Variants in CTIF observed in about 807,000 individuals in gnomAD.
The protein encoded by CTIF is cap binding complex dependent translation initiation factor, also known as CBP80/20-dependent translation initiation factor.
A neutral mutation model predicts 66.0 loss-of-function variants in CTIF; 21 were observed. That is an observed-to-expected ratio of 0.32 (90% CI 0.23 to 0.46). The LOEUF (loss-of-function observed/expected upper bound fraction) is 0.46, where lower values mean the gene tolerates loss of function less well. Ranked by LOEUF, CTIF falls within the 20% of genes least tolerant of loss-of-function variation. CTIF has a pLI of 1.00. For missense variants in CTIF, 739 were observed against 812.7 expected (o/e 0.91, Z 1.10); for synonymous variants, 345 against 326.4 (o/e 1.06, Z -0.62).
intron 5 of CTIF, among the ~76,000 whole-genome samples, chr18:48,666,912 AG>A (rs2091446051): frequency 6.6e-6 from 1 of 152,184 alleles, no homozygotes; most frequent in Non-Finnish European, 1.5e-5. Flanking sequence ...AGCTTCAGGA[AG>A]GGGTTGTGAG....
intron 2 of CTIF, among the ~76,000 whole-genome samples, chr18:48,632,988 C>T (rs1338663116): frequency 3.1e-5 from 1 of 32,002 alleles, no homozygotes; most frequent in Non-Finnish European, 1.4e-4. Flanking sequence ...GGTAGGGTTG[C>T]ATACGGATGT....
chr18:48,713,382 T>C (rs1327361273), intron 7 of CTIF, among the ~76,000 whole-genome samples: 1 of 152,102 alleles, frequency 6.6e-6, no homozygotes, highest in Non-Finnish European at 1.5e-5. Context: ...CAGGTCAGCC[T>C]GCATGTCCAT....
intron 1 of CTIF, among the ~76,000 whole-genome samples, chr18:48,568,898 C>A (rs998686235): frequency 2.0e-5 from 3 of 152,148 alleles, no homozygotes; most frequent in Admixed American, 2.0e-4. Flanking sequence ...GAGGGTCCCT[C>A]CCATGACAAG....
In CTIF at chr18:48,702,142, G is replaced by A. The variant is rs142506817; in HGVS notation, c.508-9477G>A. Among the ~76,000 whole-genome samples, 62 of 152,296 alleles carry A rather than the reference G, an allele frequency of 4.1e-4. No homozygotes were observed. In the East Asian group the frequency reaches 9.8e-3, roughly 24 times the overall value. ...CAGGCTTAGCGACAGCTAGGATCCGGGTCACCCAAAGGGTGTGTGCAGTTT... is the reference window on the plus strand; with the variant it reads ...CAGGCTTAGCGACAGCTAGGATCCGAGTCACCCAAAGGGTGTGTGCAGTTT... On this transcript the variant is annotated intron_variant, in intron 6 of 11. Transcript: ENST00000256413.
At chr18:48,624,375 C>A (rs2090555586) in intron 2 of CTIF, among the ~76,000 whole-genome samples, 1 of 152,148 alleles carries the variant, frequency 6.6e-6, no homozygotes, top group African/African-American at 2.4e-5. Context: ...CATCCCCACC[C>A]CACCTACTTC....
At chr18:48,784,403 A>G (rs992647921) in intron 9 of CTIF, among the ~76,000 whole-genome samples, 1 of 152,226 alleles carries the variant, frequency 6.6e-6, no homozygotes. Context: ...GTTCCCGAGT[A>G]TAGTGTGCAC....
At chr18:48,647,003 G>A (rs2091050278) in intron 3 of CTIF, among the ~76,000 whole-genome samples, 1 of 148,082 alleles carries the variant, frequency 6.8e-6, no homozygotes, top group South Asian at 2.2e-4. Context: ...GAAAACTTAT[G>A]TTCACACAAA....
chr18:48,812,977 C>A (rs1599093857), intron 9 of CTIF, among the ~76,000 whole-genome samples: 1 of 151,794 alleles, frequency 6.6e-6, no homozygotes, highest in South Asian at 2.1e-4. Flanking sequence ...ACTAGATGTC[C>A]ACTCTCTATC....
Position 48,857,615 on chromosome 18 carries a change from G to C in CTIF, c.1555G>C (p.Asp519His). 1 of 1,608,724 alleles carries C rather than the reference G, an allele frequency of 6.2e-7. No individual in the cohort carries two copies. Among genetic ancestry groups the C allele is most frequent in the Admixed American group, 1.7e-5 (1 of 59,228 alleles). Residue 519 changes from aspartate (D) to histidine (H), a missense_variant, in exon 11 of 12, where the codon GAT (aspartate) becomes CAT (histidine). Asp to His is a moderately conservative substitution (Grantham distance 81). Around this residue, in one of 2 missense-constraint regions of CTIF, gnomAD observed 210 missense variants for 292.3 expected, o/e 0.72. Coordinates refer to ENST00000256413, the MANE Select transcript of CTIF (RefSeq NM_014772.3). ...ELLQSQDVKEDAVLCCSMELQ... is the reference protein window; with the variant it reads ...ELLQSQDVKEHAVLCCSMELQ... ...CTTGCAATCTCAGGATGTGAAGGAAGATGCTGTCCTTTGCTGCTCTATGGA... is the reference window on the plus strand; with the variant it reads ...CTTGCAATCTCAGGATGTGAAGGAACATGCTGTCCTTTGCTGCTCTATGGA...
intron 9 of CTIF, among the ~76,000 whole-genome samples, chr18:48,816,786 C>T (rs1457250558): frequency 6.6e-6 from 1 of 152,210 alleles, no homozygotes; most frequent in Non-Finnish European, 1.5e-5. Context: ...TGTGGGTGGG[C>T]AGTGTTCTGG....
At position 48,781,579 on chromosome 18, in the gene CTIF, G is replaced by C. The variant is rs144938796; in HGVS notation, c.1371+19890G>C. On this transcript the variant is annotated intron_variant, in intron 9 of 11. Transcript: ENST00000256413. ...CGGGCGGTCTGAGGCCATATCTAGC[G>C]AGATTTTTGTTCTGGGTTGTGAAAG... 3.3e-4 allele frequency among the ~76,000 whole-genome samples: 51 copies of C among 152,268 alleles called. 1 individual carries two copies. In the East Asian group the frequency reaches 6.6e-3, roughly 20 times the overall value.
intron 1 of CTIF, among the ~76,000 whole-genome samples, chr18:48,595,617 G>T (rs2089975075): frequency 6.6e-6 from 1 of 152,004 alleles, no homozygotes; most frequent in Non-Finnish European, 1.5e-5. Context: ...TGTAGGGTTG[G>T]GGTCTCTGTA....
chr18:48,762,811 G>C (rs1243906718), intron 9 of CTIF, among the ~76,000 whole-genome samples: 1 of 152,236 alleles, frequency 6.6e-6, no homozygotes, highest in African/African-American at 2.4e-5. Context: ...TTCGCAGTCT[G>C]CCGTCTTCCC....
intron 1 of CTIF, among the ~76,000 whole-genome samples, chr18:48,579,299 C>G (rs775599797): frequency 1.9e-4 from 29 of 152,144 alleles, no homozygotes; most frequent in Middle Eastern, 3.4e-3. Flanking sequence ...GTGCATGCTA[C>G]CATGCCTGGC....
intron 1 of CTIF, among the ~76,000 whole-genome samples, chr18:48,568,550 T>A (rs1039927807): frequency 2.8e-5 from 4 of 145,248 alleles, no homozygotes; most frequent in Non-Finnish European, 6.0e-5. Context: ...AAGTTGGATG[T>A]CCAAGATCAA....
chr18:48,696,900 T>C (rs892018284), intron 6 of CTIF, among the ~76,000 whole-genome samples: 76 of 152,200 alleles, frequency 5.0e-4, no homozygotes, highest in African/African-American at 1.7e-3. Flanking sequence ...AGCCAGTGAA[T>C]GGCCACCTTT....
intron 1 of CTIF, among the ~76,000 whole-genome samples, chr18:48,612,385 A>G (rs2090323243): frequency 1.3e-5 from 2 of 152,148 alleles, no homozygotes; most frequent in African/African-American, 4.8e-5. Context: ...GACAGCCTGC[A>G]AGGGAGAATT....
chr18:48,713,763 G>A (rs2092252547), intron 7 of CTIF, among the ~76,000 whole-genome samples: 1 of 152,218 alleles, frequency 6.6e-6, no homozygotes, highest in African/African-American at 2.4e-5. Flanking sequence ...ATGTCCACAG[G>A]GACCCAGACT....
chr18:48,626,000 C>CTTTTTTTTTTTTTTTTTTTTTTTTTTTT (rs74174709), intron 2 of CTIF, among the ~76,000 whole-genome samples: 3 of 109,174 alleles, frequency 2.7e-5, no homozygotes, highest in Non-Finnish European at 5.4e-5. Flanking sequence ...CTTTTTCTTT[C>CTTTTTTTTTTTTTTTTTTTTTTTTTTTT]TTTTTTTTTT....
Sources: gnomAD v4.1 joint callset for allele counts (sites outside exome capture counted in the v4.1 genomes callset) on GRCh38, gnomAD v4.1.1 for gene constraint, gnomAD v4.1.1 regional missense constraint, MANE v1.5 for transcripts, NCBI Gene and HGNC (gene_info 2026-07-23, HGNC 2026-07-21) for gene names.